LINGO2: variants seen among roughly 807,000 people sequenced by gnomAD.
LINGO2 encodes the protein leucine-rich repeat and immunoglobulin-like domain-containing nogo receptor-interacting protein 2.
LINGO2 carries 14 observed loss-of-function variants against 30.6 expected under a neutral mutation model. The observed-to-expected ratio is 0.46, with a 90% CI of 0.30 to 0.72. The LOEUF is 0.72. Among genes scored for constraint, LINGO2 ranks in the 30% least tolerant of loss-of-function variants. The pLI is 0.07. For missense variants in LINGO2, 729 were observed against 751.7 expected, an observed-to-expected ratio of 0.97 and a Z score of 0.35; for synonymous variants, 317 against 288.5, an observed-to-expected ratio of 1.10 and a Z score of -1.00.
chr9:28,777,192 C>A, the LINGO2 span, among the ~76,000 whole-genome samples: 3 of 152,106 alleles, frequency 2.0e-5, no homozygotes, highest in Admixed American at 6.5e-5. Flanking sequence ...ATGACCCAGT[C>A]TCGGGTAGCT....
chr9:28,652,266 C>T (rs1408655531), intron 1 of LINGO2, among the ~76,000 whole-genome samples: 4 of 152,076 alleles, frequency 2.6e-5, no homozygotes, highest in Non-Finnish European at 5.9e-5. Flanking sequence ...TATGTTAAGT[C>T]AATGTCTTTT....
At chr9:28,096,323 C>T (rs1194731575) in intron 4 of LINGO2, among the ~76,000 whole-genome samples, 2 of 152,104 alleles carry the variant, frequency 1.3e-5, no homozygotes, top group African/African-American at 4.8e-5. Flanking sequence ...GCATTAGACA[C>T]ATTTACACTA....
chr9:28,816,436 T>C, the LINGO2 span, among the ~76,000 whole-genome samples: 10 of 152,314 alleles, frequency 6.6e-5, no homozygotes, highest in South Asian at 1.9e-3. Flanking sequence ...ATTTTCTTTT[T>C]AAATCAGGAA....
At chr9:28,891,256 A>G in the LINGO2 span, among the ~76,000 whole-genome samples, 7,051 of 152,008 alleles carry the variant, frequency 0.046, 555 homozygotes, top group African/African-American at 0.16. Context: ...AATGTATTCT[A>G]TGTGTGCCTC....
chr9:27,949,635 G>A (rs775232627), exon 6 of LINGO2: 12 of 1,614,066 alleles, frequency 7.4e-6, no homozygotes, highest in African/African-American at 2.7e-5. Flanking sequence ...GACCTCCAGA[G>A]CCCTAGGGGA....
intron 4 of LINGO2, among the ~76,000 whole-genome samples, chr9:28,262,621 C>T (rs568580469): frequency 7.2e-5 from 11 of 151,906 alleles, no homozygotes; most frequent in African/African-American, 1.4e-4. Flanking sequence ...AACTGAACTG[C>T]GTTCAGAAGA....
At chr9:28,726,816 G>T in the LINGO2 span, among the ~76,000 whole-genome samples, 1 of 152,168 alleles carries the variant, frequency 6.6e-6, no homozygotes, top group Non-Finnish European at 1.5e-5. Flanking sequence ...CAATAGGAAA[G>T]TCATATATTT....
the LINGO2 span, among the ~76,000 whole-genome samples, chr9:29,130,648 T>G: frequency 1.3e-5 from 2 of 152,066 alleles, no homozygotes; most frequent in African/African-American, 2.4e-5. Flanking sequence ...TAATAAAATA[T>G]CTAGCTAACC....
In LINGO2 at chr9:28,025,813, G is replaced by A. The variant is rs1193376077; in HGVS notation, c.-86-13408C>T. Reference sequence around the variant, plus strand: ...AAACGACACTTTTGAAGATATCGGTGCCACTGCTGAGGATGGCTGGATTCA... The same window carrying A: ...AAACGACACTTTTGAAGATATCGGTACCACTGCTGAGGATGGCTGGATTCA... On this transcript the variant is annotated intron_variant, in intron 4 of 5. Coordinates refer to ENST00000379992, the Ensembl canonical transcript of LINGO2. Among the ~76,000 whole-genome samples, 62 of 152,298 alleles carry A rather than the reference G, an allele frequency of 4.1e-4. 1 individual carries two copies. Among genetic ancestry groups the A allele is most frequent in the Admixed American group, 4.1e-3 (62 of 15,290 alleles).
rs112467573 is a variant in LINGO2, at chr9:28,134,612, G to GT, written c.-86-122208dup. On this transcript the variant is annotated intron_variant, in intron 4 of 5. Transcript: ENST00000379992. ...CACAACACAGATACACTCTCTAAGA[G>GT]TAAGGAATCCCCTGAAATGTGAAAG... Among the ~76,000 whole-genome samples the GT allele has an allele frequency of 5.3e-5, 8 of 152,308 alleles. 1 individual carries two copies. The highest frequency in any genetic ancestry group is 1.7e-4 in the African/African-American group (7 of 41,578).
the LINGO2 span, among the ~76,000 whole-genome samples, chr9:28,966,898 C>A: frequency 6.6e-6 from 1 of 151,732 alleles, no homozygotes; most frequent in South Asian, 2.1e-4. Context: ...TTAACTAATA[C>A]CCACTTACTG....
chr9:28,035,893 A>C (rs79093924), intron 4 of LINGO2, among the ~76,000 whole-genome samples: 36 of 149,302 alleles, frequency 2.4e-4, no homozygotes, highest in African/African-American at 7.9e-4. Context: ...CACACACACA[A>C]ACACACACAC....
intron 4 of LINGO2, among the ~76,000 whole-genome samples, chr9:28,094,925 G>T (rs562770944): frequency 1.1e-4 from 17 of 152,120 alleles, no homozygotes; most frequent in Non-Finnish European, 2.4e-4. Context: ...GGACCTAGGA[G>T]ATAGGACATA....
downstream of LINGO2, among the ~76,000 whole-genome samples, chr9:27,947,058 C>T (rs1254786442): frequency 1.3e-5 from 2 of 152,154 alleles, no homozygotes; most frequent in Non-Finnish European, 2.9e-5. Flanking sequence ...AGACTTTCTA[C>T]TCCAGCTTAC....
At chr9:29,026,490 C>T in the LINGO2 span, among the ~76,000 whole-genome samples, 1 of 151,926 alleles carries the variant, frequency 6.6e-6, no homozygotes, top group Non-Finnish European at 1.5e-5. Flanking sequence ...CATTTCATGT[C>T]TTTAATTTTT....
the LINGO2 span, among the ~76,000 whole-genome samples, chr9:28,892,271 G>A: frequency 6.6e-6 from 1 of 151,928 alleles, no homozygotes; most frequent in Non-Finnish European, 1.5e-5. Flanking sequence ...GATTTGCTTA[G>A]GCTTATTTCT....
the LINGO2 span, among the ~76,000 whole-genome samples, chr9:28,973,673 A>G: frequency 6.6e-6 from 1 of 152,180 alleles, no homozygotes. Context: ...TCTTTCCTTT[A>G]TAAATTACCC....
chr9:28,140,423 C>T (rs1587068168), intron 4 of LINGO2, among the ~76,000 whole-genome samples: 1 of 152,154 alleles, frequency 6.6e-6, no homozygotes, highest in Non-Finnish European at 1.5e-5. Context: ...TCCTATGACC[C>T]AAAGGAGAGT....
chr9:28,037,529 T>TGC (rs1256744276), intron 4 of LINGO2, among the ~76,000 whole-genome samples: 1 of 152,256 alleles, frequency 6.6e-6, no homozygotes, highest in Non-Finnish European at 1.5e-5. Flanking sequence ...TCCTTTGCAC[T>TGC]GCCTTGTCTC....
Sources: allele counts gnomAD v4.1 joint callset (sites outside exome capture counted in the v4.1 genomes callset), GRCh38; gene constraint gnomAD v4.1.1; transcripts MANE v1.5; gene names NCBI Gene and HGNC (gene_info 2026-07-23, HGNC 2026-07-21).